NGEF: variants seen among roughly 807,000 people sequenced by gnomAD.
The protein encoded by NGEF is ephexin-1.
NGEF carries 31 observed loss-of-function variants against 80.9 expected under a neutral mutation model. The ratio of observed to expected loss-of-function variants is 0.38; its 90% CI spans 0.29 to 0.52. NGEF has a LOEUF of 0.52. Ranked by LOEUF, NGEF falls within the 20% of genes least tolerant of loss-of-function variation. The pLI is 0.84. For missense variants in NGEF, 709 were observed against 926.2 expected (o/e 0.77, Z 3.04); for synonymous variants, 371 against 370.2 (o/e 1.00, Z -0.03).
chr2:232,966,112 C>G (rs1559227435), intron 3 of NGEF, among the ~76,000 whole-genome samples: 1 of 152,156 alleles, frequency 6.6e-6, no homozygotes, highest in African/African-American at 2.4e-5. Context: ...CTGCTTCTCC[C>G]TCTCCAGGTG....
chr2:233,009,744 G>A (rs1695163575), intron 1 of NGEF, among the ~76,000 whole-genome samples: 1 of 152,164 alleles, frequency 6.6e-6, no homozygotes, highest in Non-Finnish European at 1.5e-5. Context: ...AGGCAACTGA[G>A]GCACAGCCAC....
chr2:232,887,525 C>T (rs566443158), intron 9 of NGEF, among the ~76,000 whole-genome samples: 5 of 152,026 alleles, frequency 3.3e-5, no homozygotes, highest in South Asian at 4.2e-4. Flanking sequence ...GGGCTGGGTT[C>T]GGAGCAAAGG....
At position 232,884,088 on chromosome 2, in the gene NGEF, C is replaced by T; in HGVS notation, c.1494G>A (p.Gln498=). The change falls in exon 11 of 15, where the codon CAG becomes CAA. Residue 498 remains glutamine, a synonymous_variant. Coordinates refer to ENST00000264051, the MANE Select transcript of NGEF (RefSeq NM_019850.3). ...TCCGGGAGGTCTTGGGGCCTGACAT[C>T]TGCTGCAGCTCACCCTGCTTCAGCA... ...RWLLKQGELQ[Q]MSGPKTSRTL... The T allele has an allele frequency of 1.2e-6, 2 of 1,611,970 alleles. No homozygotes were observed. Among genetic ancestry groups the T allele is most frequent in the South Asian group, 1.1e-5 (1 of 90,776 alleles).
chr2:233,002,221 G>A (rs1444277534), intron 1 of NGEF, among the ~76,000 whole-genome samples: 1 of 152,030 alleles, frequency 6.6e-6, no homozygotes, highest in Admixed American at 6.5e-5. Context: ...AAAATCAGTA[G>A]TTTAATATTT....
chr2:232,975,596 C>T (rs1218182265), intron 1 of NGEF, among the ~76,000 whole-genome samples: 1 of 152,172 alleles, frequency 6.6e-6, no homozygotes, highest in Non-Finnish European at 1.5e-5. Flanking sequence ...TATAGCATAT[C>T]ATCTGAACGA....
chr2:232,987,000 A>C (rs1694544748), intron 1 of NGEF, among the ~76,000 whole-genome samples: 1 of 152,176 alleles, frequency 6.6e-6, no homozygotes, highest in African/African-American at 2.4e-5. Flanking sequence ...AGGCATTGTA[A>C]GACACAGAGC....
At chr2:232,950,037 G>C (rs1693647148) in intron 3 of NGEF, among the ~76,000 whole-genome samples, 1 of 150,900 alleles carries the variant, frequency 6.6e-6, no homozygotes, top group Non-Finnish European at 1.5e-5. Flanking sequence ...GTCTCAAACT[G>C]CTGACCTCAG....
At chr2:232,968,437 G>A (rs1392598702) in intron 3 of NGEF, among the ~76,000 whole-genome samples, 3 of 150,806 alleles carry the variant, frequency 2.0e-5, no homozygotes, top group African/African-American at 4.9e-5. Context: ...ACGGAGTCTC[G>A]CTCTGTTGCG....
At chr2:232,885,833 C>T (rs1691660721) in intron 9 of NGEF, among the ~76,000 whole-genome samples, 1 of 152,246 alleles carries the variant, frequency 6.6e-6, no homozygotes, top group South Asian at 2.1e-4. Flanking sequence ...AGGCTCGCCG[C>T]AGGCTCTCAG....
At chr2:233,012,117 C>T (rs1044278740) in intron 1 of NGEF, among the ~76,000 whole-genome samples, 1 of 152,106 alleles carries the variant, frequency 6.6e-6, no homozygotes, top group Non-Finnish European at 1.5e-5. Flanking sequence ...GCAGGGAGGA[C>T]AAAGACACAT....
intron 5 of NGEF, among the ~76,000 whole-genome samples, chr2:232,904,140 C>A (rs910102678): frequency 2.9e-4 from 44 of 152,312 alleles, no homozygotes; most frequent in Middle Eastern, 6.8e-3. Context: ...CCCAGCAGGA[C>A]AAAGCCATTA....
At chr2:232,991,393 G>A (rs1239495937) in intron 1 of NGEF, among the ~76,000 whole-genome samples, 1 of 151,564 alleles carries the variant, frequency 6.6e-6, no homozygotes, top group Non-Finnish European at 1.5e-5. Flanking sequence ...AACAAGTTCA[G>A]CAAAGTTTCA....
At chr2:232,971,822 A>C (rs1045499410) in intron 2 of NGEF, among the ~76,000 whole-genome samples, 6 of 152,168 alleles carry the variant, frequency 3.9e-5, no homozygotes, top group African/African-American at 1.4e-4. Flanking sequence ...CACAAACTCG[A>C]GGCTCTTTCC....
At chr2:232,993,152 C>CTATATATATAAATAAAT (rs1559238281) in intron 1 of NGEF, among the ~76,000 whole-genome samples, 3 of 21,616 alleles carry the variant, frequency 1.4e-4, no homozygotes, top group African/African-American at 8.8e-4. Context: ...TATATATGGG[C>CTATATATATAAATAAAT]AAATATATAT....
Position 233,005,550 on chromosome 2 carries a change from A to AG in NGEF, c.-75+7517dup, listed in dbSNP as rs200945740. On this transcript the variant is annotated intron_variant, in intron 1 of 14. Transcript: ENST00000264051. ...TATCCCAGATTACTCAGGTGGATGC[A>AG]GTATATTCACAAGGCTCCTTATAAG... Among the ~76,000 whole-genome samples the AG allele has an allele frequency of 9.0e-3, 1,365 of 152,372 alleles. 15 individuals carry two copies. The highest frequency in any genetic ancestry group is 0.024 in the African/African-American group (1,011 of 41,596).
At chr2:232,962,016 T>C (rs1693963381) in intron 3 of NGEF, among the ~76,000 whole-genome samples, 4 of 152,248 alleles carry the variant, frequency 2.6e-5, no homozygotes. Flanking sequence ...GATGGAAAGA[T>C]GGGCTTCATC....
intron 3 of NGEF, among the ~76,000 whole-genome samples, chr2:232,933,772 T>C (rs1245786904): frequency 6.6e-6 from 1 of 152,198 alleles, no homozygotes; most frequent in Non-Finnish European, 1.5e-5. Context: ...AATGACGCCC[T>C]TGCCCTTCCA....
In NGEF at chr2:232,908,844, G is replaced by A. The variant is rs375434287; in HGVS notation, c.828+11440C>T. Among the ~76,000 whole-genome samples the A allele has an allele frequency of 2.6e-5, 4 of 151,986 alleles. No individual in the cohort carries two copies. The East Asian group carries it at 5.8e-4, about 22-fold the overall frequency. ...GCCCAGTTTTCTTTGGGGTGCTCAT[G>A]TTTTTCTTATTGACAGCTTTCTAAT... On this transcript the variant is annotated intron_variant, in intron 5 of 14. Coordinates refer to ENST00000264051, the MANE Select transcript of NGEF (RefSeq NM_019850.3).
chr2:232,888,347 TGCAA>T (rs554226970), intron 8 of NGEF, among the ~76,000 whole-genome samples: 91 of 145,738 alleles, frequency 6.2e-4, no homozygotes, highest in Non-Finnish European at 1.1e-3. Context: ...GATGCACACC[TGCAA>T]GCAGTGTGCA....
Sources: allele counts gnomAD v4.1 joint callset (sites outside exome capture counted in the v4.1 genomes callset), GRCh38; gene constraint gnomAD v4.1.1; transcripts MANE v1.5; gene names NCBI Gene and HGNC (gene_info 2026-07-23, HGNC 2026-07-21).